The following DNAAF2 variants were observed in gnomAD, a reference collection of about 807,000 sequenced individuals.
DNAAF2 encodes the protein protein kintoun.
DNAAF2 carries 58 observed loss-of-function variants against 48.8 expected under a neutral mutation model. That is an observed-to-expected ratio of 1.19 (90% confidence interval 0.96 to 1.48). The LOEUF (loss-of-function observed/expected upper bound fraction) is 1.48. DNAAF2 is among the 40% of genes most tolerant of loss of function. DNAAF2 has a pLI of 0.00. For synonymous variants in DNAAF2, 567 were observed against 481.2 expected, an observed-to-expected ratio of 1.18 and a Z score of -2.33; for missense variants, 1,241 against 1,116.1, an observed-to-expected ratio of 1.11 and a Z score of -1.59.
At chr14:49,628,302 AG>A in intron 1 of DNAAF2, 147 bp from the exon 2 acceptor site, 6 of 722,122 alleles carry the variant, frequency 8.3e-6, no homozygotes, top group Non-Finnish European at 1.3e-5. Context: ...GAGCTGTCTT[AG>A]AAAAATTTAA....
At position 49,635,151 on chromosome 14, in the gene DNAAF2, C is replaced by A; in HGVS notation, c.-2G>T. 6.4e-7 allele frequency: 1 copy of A among 1,556,608 alleles called. No individual in the cohort carries two copies. The highest frequency in any genetic ancestry group is 1.2e-5 in the South Asian group (1 of 84,456). On this transcript the variant is annotated 5_prime_UTR_variant, in exon 1 of 3. Transcript: ENST00000298292. ...CGAGGAGGCCGCCGCTTTGGCCATA[C>A]TGTCCTGTGGCTCCTCGCCCTCGGG... is the stretch of plus-strand genomic sequence containing the variant.
At chr14:49,627,376 G>A (rs1479402998) in intron 2 of DNAAF2, among the ~76,000 whole-genome samples, 1 of 152,188 alleles carries the variant, frequency 6.6e-6, no homozygotes, top group Non-Finnish European at 1.5e-5. Context: ...GAATTAGAAA[G>A]AACGTACAAA....
At chr14:49,631,040 C>T (rs960889478) in intron 1 of DNAAF2, among the ~76,000 whole-genome samples, 5 of 152,168 alleles carry the variant, frequency 3.3e-5, no homozygotes, top group South Asian at 2.1e-4. Flanking sequence ...TGAGCCACCA[C>T]GCCTGGCTAC....
In DNAAF2 at chr14:49,634,491, G is replaced by C; in HGVS notation, c.659C>G (p.Pro220Arg). The change falls in exon 1 of 3, where the codon CCT becomes CGT. Residue 220 changes from proline to arginine, a missense_variant. Coordinates refer to ENST00000298292, the MANE Select transcript of DNAAF2 (RefSeq NM_018139.3). ...PARPDGEPKG[P>R]LPDFPYPYQY... ...GTAAGGGTAGGGGAAGTCCGGGAGA[G>C]GACCCTTCGGCTCCCCGTCAGGCCT... 6.3e-7 allele frequency: 1 copy of C among 1,591,208 alleles called. No homozygotes were observed. The highest frequency in any genetic ancestry group is 8.5e-7 in the Non-Finnish European group (1 of 1,174,940).
In DNAAF2 at chr14:49,633,782, A is replaced by G; in HGVS notation, c.1368T>C (p.Pro456=). 3 of 1,593,422 alleles carry G rather than the reference A, an allele frequency of 1.9e-6. No individual in the cohort carries two copies. The highest frequency in any genetic ancestry group is 2.2e-5 in the East Asian group (1 of 44,712). Reference sequence around the variant, plus strand: ...CGCCACCAGGTGAGTTTTCTCCTCCAGGAGATGGCTCCTCCACGCTGCCCG... The same window carrying G: ...CGCCACCAGGTGAGTTTTCTCCTCCGGGAGATGGCTCCTCCACGCTGCCCG... ...SPPGSVEEPS[P]GGENSPGGGG... is the part of the protein sequence containing the mutation. The change falls in exon 1 of 3, where the codon CCT becomes CCC. Residue 456 remains proline (P), a synonymous_variant. Transcript: ENST00000298292.
chr14:49,633,540 A>T lies in DNAAF2; in HGVS notation c.1610T>A (p.Leu537His). 6.2e-7 allele frequency: 1 copy of T among 1,614,042 alleles called. No individual in the cohort carries two copies. The highest frequency in any genetic ancestry group is 8.5e-7 in the Non-Finnish European group (1 of 1,179,884). ...CGGCTGGATCCGAGGCACCTGAATG[A>T]GCAGAGTCAAGGTTTCTTTGTCCTG... ...CNQDKETLTLLIQVPRIQPQS... is the reference protein window; with the variant it reads ...CNQDKETLTLHIQVPRIQPQS... Residue 537 changes from leucine to histidine, a missense_variant, in exon 1 of 3, where the codon CTC becomes CAC. Leu to His is a moderately conservative substitution (Grantham distance 99). Transcript: ENST00000298292.
At chr14:49,628,640 A>G (rs964441820) in intron 1 of DNAAF2, among the ~76,000 whole-genome samples, 3 of 152,088 alleles carry the variant, frequency 2.0e-5, no homozygotes, top group Non-Finnish European at 2.9e-5. Flanking sequence ...TTTTTGGTAG[A>G]GATGGGGTTT....
chr14:49,635,067 T>C lies in DNAAF2; in HGVS notation c.83A>G (p.Gln28Arg). Residue 28 changes from glutamine (Q) to arginine (R), a missense_variant, in exon 1 of 3, where the codon CAG (glutamine) becomes CGG (arginine). By Grantham distance (43) the Gln-to-Arg change is conservative. Coordinates refer to ENST00000298292, the MANE Select transcript of DNAAF2 (RefSeq NM_018139.3). ...GAACATTCGCCGGAACTCCGGGTCCTGGAAGGCGGAGGTGAGCCGCTGGAC... is the reference window on the plus strand; with the variant it reads ...GAACATTCGCCGGAACTCCGGGTCCCGGAAGGCGGAGGTGAGCCGCTGGAC... ...EEVQRLTSAF[Q>R]DPEFRRMFSQ... 1 of 1,586,186 alleles carries C rather than the reference T, an allele frequency of 6.3e-7. No homozygotes were observed. The highest frequency in any genetic ancestry group is 8.6e-7 in the Non-Finnish European group (1 of 1,167,130).
Position 49,634,566 on chromosome 14 carries a change from G to T in DNAAF2, c.584C>A (p.Thr195Asn). The change falls in exon 1 of 3, where the codon ACC becomes AAC. Residue 195 changes from threonine to asparagine, a missense_variant. Thr to Asn is a moderately conservative substitution (Grantham distance 65). Coordinates refer to ENST00000298292, the MANE Select transcript of DNAAF2 (RefSeq NM_018139.3). ...AKTLKAKYKGTPEAAVLRTPL... is the reference protein window; with the variant it reads ...AKTLKAKYKGNPEAAVLRTPL... Reference sequence around the variant, plus strand: ...CGTGCGCAGCACCGCAGCCTCTGGGGTCCCCTTATACTTGGCCTTCAGGGT... The same window carrying T: ...CGTGCGCAGCACCGCAGCCTCTGGGTTCCCCTTATACTTGGCCTTCAGGGT... The T allele has an allele frequency of 2.5e-6, 4 of 1,604,702 alleles. No homozygotes were observed. Among genetic ancestry groups the T allele is most frequent in the South Asian group, 1.1e-5 (1 of 91,084 alleles).
rs879075266 is a variant in DNAAF2 at position 49,625,359 on chromosome 14, C to CAA, written c.*181_*182dup. 71 of 325,920 alleles carry CAA rather than the reference C, an allele frequency of 2.2e-4. No individual in the cohort carries two copies. The highest frequency in any genetic ancestry group is 3.1e-4 in the African/African-American group (13 of 41,934). 20.2% of individuals were successfully genotyped at this position (325,920 alleles called of 1,614,324 possible). On this transcript the variant is annotated 3_prime_UTR_variant, in exon 3 of 3. Coordinates refer to ENST00000298292, the MANE Select transcript of DNAAF2 (RefSeq NM_018139.3). The stretch of plus-strand genomic sequence containing the variant: ...ATAAGGAAACTTTAAACTCCAGAGG[C>CAA]AAAAAAAAAAAAATTATCTCCAATT...
Position 49,634,899 on chromosome 14 carries a change from C to T in DNAAF2, c.251G>A (p.Gly84Glu). 1.3e-6 allele frequency: 2 copies of T among 1,550,504 alleles called. No individual in the cohort carries two copies. The highest frequency in any genetic ancestry group is 2.0e-5 in the Admixed American group (1 of 51,050). Residue 84 changes from glycine (G) to glutamate (E), a missense_variant, in exon 1 of 3, where the codon GGG (glycine) becomes GAG (glutamate). Coordinates refer to ENST00000298292, the MANE Select transcript of DNAAF2 (RefSeq NM_018139.3). ...PGHVLRTSLD[G>E]ARRCFVNVCS... ...GACATTCACAAAGCAGCGCCGCGCC[C>T]CGTCCAGGCTGGTGCGCAGCACATG...
In DNAAF2 at chr14:49,626,799, C is replaced by CTTTTTT. The variant is rs34085502; in HGVS notation, c.2008-757_2008-752dup. Among the ~76,000 whole-genome samples the CTTTTTT allele has an allele frequency of 1.3e-3, 85 of 63,406 alleles. 5 individuals carry two copies. The highest frequency in any genetic ancestry group is 4.7e-3 in the African/African-American group (67 of 14,314). The allele number at this position is 63,406 out of a possible 152,430, so 41.6% of individuals were successfully genotyped here. A position where few individuals can be genotyped will look rare whatever the true frequency, so the allele number is the denominator to read the frequency against. On this transcript the variant is annotated intron_variant, in intron 2 of 2. Transcript: ENST00000298292. Reference sequence around the variant, plus strand: ...CCATCACGACTAGTCTGCTGCCAGTCTTTTTTTTTTTTTTTTTTTTTTTTG... The same window carrying CTTTTTT: ...CCATCACGACTAGTCTGCTGCCAGTCTTTTTTTTTTTTTTTTTTTTTTTTTTTTTTG...
intron 1 of DNAAF2, among the ~76,000 whole-genome samples, chr14:49,631,378 C>A (rs997995755): frequency 6.6e-6 from 1 of 152,148 alleles, no homozygotes; most frequent in Non-Finnish European, 1.5e-5. Context: ...GTAATCCCAG[C>A]ACTTTGGGAG....
In DNAAF2 at chr14:49,628,065, G is replaced by C. The variant is rs1883055893; in HGVS notation, c.1954C>G (p.Pro652Ala). 2 of 1,579,092 alleles carry C rather than the reference G, an allele frequency of 1.3e-6. No homozygotes were observed. Among genetic ancestry groups the C allele is most frequent in the Non-Finnish European group, 1.7e-6 (2 of 1,160,848 alleles). The change falls in exon 2 of 3, where the codon CCA becomes GCA. Residue 652 changes from proline (P) to alanine (A), a missense_variant. By Grantham distance (27) the Pro-to-Ala change is conservative (BLOSUM62 -1). Coordinates refer to ENST00000298292, the MANE Select transcript of DNAAF2 (RefSeq NM_018139.3). Reference protein sequence around the residue: ...PFKQSMSLTPPLIEVLQVTDN... With the variant: ...PFKQSMSLTPALIEVLQVTDN... ...GTAACTTGAAGAACTTCAATTAATG[G>C]TGGGGTCAAGGACATAGACTGTTTG...
chr14:49,627,246 T>C (rs537542760), intron 2 of DNAAF2, among the ~76,000 whole-genome samples: 1 of 152,368 alleles, frequency 6.6e-6, no homozygotes, highest in African/African-American at 2.4e-5. Context: ...TTAAATTTTC[T>C]TGAATTCCTC....
chr14:49,634,564 G>A lies in DNAAF2; in HGVS notation c.586C>T (p.Pro196Ser). The change falls in exon 1 of 3, where the codon CCA becomes TCA. Residue 196 changes from proline (P) to serine (S), a missense_variant. Physicochemically the swap from Pro to Ser is moderately conservative, Grantham distance 74. Transcript: ENST00000298292. ...GGCGTGCGCAGCACCGCAGCCTCTG[G>A]GGTCCCCTTATACTTGGCCTTCAGG... ...KTLKAKYKGT[P>S]EAAVLRTPLP... The A allele has an allele frequency of 6.2e-7, 1 of 1,604,508 alleles. No individual in the cohort carries two copies.
chr14:49,631,057 T>C (rs1001756352), intron 1 of DNAAF2, among the ~76,000 whole-genome samples: 1 of 152,160 alleles, frequency 6.6e-6, no homozygotes, highest in Non-Finnish European at 1.5e-5. Flanking sequence ...CTACGTATTT[T>C]TCTTCCATTA....
rs577473405 is a variant in DNAAF2 at position 49,633,215 on chromosome 14, C to T, written c.1863+72G>A. The stretch of plus-strand genomic sequence containing the variant: ...GATTACAGGCGTGAGCCACCGCGCC[C>T]GGCCGGTAATAGCAAATTTTTAAAG... On this transcript the variant is annotated intron_variant, in intron 1 of 2. Transcript: ENST00000298292. 177 of 1,559,164 alleles carry T rather than the reference C, an allele frequency of 1.1e-4. No homozygotes were observed. In the African/African-American group the frequency reaches 2.2e-3, roughly 20 times the overall value.
rs1484307667 is a variant in DNAAF2, at chr14:49,634,970, C to G, written c.180G>C (p.Glu60Asp). Residue 60 changes from glutamate (E) to aspartate (D), a missense_variant, in exon 1 of 3, where the codon GAG becomes GAC. Coordinates refer to ENST00000298292, the MANE Select transcript of DNAAF2 (RefSeq NM_018139.3). ...ACCGCACTTCCACCCCGCGCTCACG[C>G]TCTAGCGCGGTGATCTCCGCCTCGT... ...RRYEAEITAL[E>D]RERGVEVRFV... The G allele has an allele frequency of 3.2e-6, 5 of 1,561,556 alleles. No individual in the cohort carries two copies. The East Asian group carries it at 7.2e-5, about 22-fold the overall frequency.
Sources: gnomAD v4.1 joint callset for allele counts (sites outside exome capture counted in the v4.1 genomes callset) on GRCh38, gnomAD v4.1.1 for gene constraint, MANE v1.5 for transcripts, NCBI Gene and HGNC (gene_info 2026-07-23, HGNC 2026-07-21) for gene names.